The following MGMT variants were observed in gnomAD, a reference collection of about 807,000 sequenced individuals.
MGMT encodes methylated-DNA--protein-cysteine methyltransferase.
MGMT carries 14 observed loss-of-function variants against 15.9 expected under a neutral mutation model. The ratio of observed to expected loss-of-function variants is 0.88; its 90% CI spans 0.58 to 1.37. The LOEUF is 1.37. Ranked by LOEUF, MGMT falls within the 40% of genes most tolerant of loss-of-function variation. The pLI, the probability that MGMT is intolerant of heterozygous loss-of-function variation, is 0.00. For missense variants in MGMT, 282 were observed against 268.1 expected (o/e 1.05, Z -0.36); for synonymous variants, 130 against 118.2 (o/e 1.10, Z -0.65).
chr10:129,598,206 A>G (rs965069258), intron 2 of MGMT, among the ~76,000 whole-genome samples: 1 of 152,212 alleles, frequency 6.6e-6, no homozygotes, highest in Non-Finnish European at 1.5e-5. Context: ...GTGTGTGCTC[A>G]GGATTCCTTT....
chr10:129,611,859 G>A (rs555847165), intron 2 of MGMT, among the ~76,000 whole-genome samples: 1 of 152,298 alleles, frequency 6.6e-6, no homozygotes, highest in African/African-American at 2.4e-5. Context: ...CAAGGCCTGG[G>A]CAAGTACCCA....
chr10:129,469,698 C>T (rs1161001874), intron 1 of MGMT, among the ~76,000 whole-genome samples: 5 of 152,158 alleles, frequency 3.3e-5, no homozygotes, highest in Non-Finnish European at 5.9e-5. Flanking sequence ...TGGGGTCTTA[C>T]CGCAGAATAT....
At chr10:129,631,491 AAG>A (rs1292924441) in intron 2 of MGMT, among the ~76,000 whole-genome samples, 1 of 152,242 alleles carries the variant, frequency 6.6e-6, no homozygotes, top group African/African-American at 2.4e-5. Context: ...GAGATTATAA[AAG>A]GTATACATGG....
intron 2 of MGMT, among the ~76,000 whole-genome samples, chr10:129,631,132 G>A (rs1847205070): frequency 6.6e-6 from 1 of 151,604 alleles, no homozygotes; most frequent in African/African-American, 2.4e-5. Context: ...TTTTATTTAT[G>A]TTAATGAAAC....
intron 2 of MGMT, among the ~76,000 whole-genome samples, chr10:129,629,008 C>G (rs1302364363): frequency 1.3e-5 from 2 of 152,214 alleles, no homozygotes; most frequent in Admixed American, 6.5e-5. Context: ...GGGAAGGGCT[C>G]TTCCTGACAC....
chr10:129,704,087 C>G (rs189783831), intron 2 of MGMT, among the ~76,000 whole-genome samples: 1 of 152,246 alleles, frequency 6.6e-6, no homozygotes, highest in East Asian at 1.9e-4. Context: ...ATTTCTCCAT[C>G]GTTCTTCTTA....
chr10:129,596,986 G>A (rs1381018246), intron 2 of MGMT, among the ~76,000 whole-genome samples: 1 of 152,152 alleles, frequency 6.6e-6, no homozygotes, highest in Non-Finnish European at 1.5e-5. Context: ...GTGGGCTGGG[G>A]TGAAGGTCTC....
At chr10:129,520,909 A>ACAGAGCCCCTATGGTGTGCG (rs1845801002) in intron 1 of MGMT, among the ~76,000 whole-genome samples, 2 of 132,918 alleles carry the variant, frequency 1.5e-5, no homozygotes, top group East Asian at 4.7e-4. Context: ...TATGGTGTGC[A>ACAGAGCCCCTATGGTGTGCG]TACAGAACCC....
intron 2 of MGMT, among the ~76,000 whole-genome samples, chr10:129,638,446 G>GAAAAAAAAAAAAAAAA (rs1157292152): frequency 1.0e-5 from 1 of 96,318 alleles, no homozygotes; most frequent in Admixed American, 1.2e-4. Flanking sequence ...AAAAAAAAAA[G>GAAAAAAAAAAAAAAAA]AAAAAAAAAA....
chr10:129,529,412 A>G (rs1845905961), intron 1 of MGMT, among the ~76,000 whole-genome samples: 2 of 152,082 alleles, frequency 1.3e-5, no homozygotes, highest in East Asian at 3.9e-4. Context: ...CGTCCAGCCT[A>G]GATCCCTCCC....
At chr10:129,512,962 C>T (rs1355392741) in intron 1 of MGMT, among the ~76,000 whole-genome samples, 1 of 152,166 alleles carries the variant, frequency 6.6e-6, no homozygotes, top group Non-Finnish European at 1.5e-5. Flanking sequence ...GTGTTCATAG[C>T]AGCATCATTC....
intron 3 of MGMT, among the ~76,000 whole-genome samples, chr10:129,751,361 G>T (rs546865411): frequency 6.6e-6 from 1 of 152,036 alleles, no homozygotes; most frequent in South Asian, 2.1e-4. Context: ...TGTGGGATCT[G>T]TGGCAATATC....
intron 2 of MGMT, among the ~76,000 whole-genome samples, chr10:129,574,336 G>A (rs539809199): frequency 1.3e-5 from 2 of 152,280 alleles, no homozygotes; most frequent in South Asian, 2.1e-4. Context: ...CTTTCCACCC[G>A]TAGCAGGTTG....
chr10:129,726,060 C>G (rs962089788), intron 3 of MGMT, among the ~76,000 whole-genome samples: 1 of 152,088 alleles, frequency 6.6e-6, no homozygotes, highest in Non-Finnish European at 1.5e-5. Context: ...CTCAGGTCCA[C>G]AAGGTCAGCT....
chr10:129,737,968 A>C (rs531028202), intron 3 of MGMT, among the ~76,000 whole-genome samples: 2 of 152,244 alleles, frequency 1.3e-5, no homozygotes, highest in African/African-American at 2.4e-5. Flanking sequence ...GCTGTCAGAC[A>C]GGGACATTTA....
chr10:129,725,602 G>A (rs532196810), intron 3 of MGMT, among the ~76,000 whole-genome samples: 20 of 152,328 alleles, frequency 1.3e-4, no homozygotes, highest in Admixed American at 5.2e-4. Context: ...GCCCCAGCAC[G>A]GCCACAGCTT....
intron 2 of MGMT, among the ~76,000 whole-genome samples, chr10:129,635,700 GATC>G (rs775022708): frequency 1.3e-5 from 2 of 152,198 alleles, no homozygotes; most frequent in Non-Finnish European, 1.5e-5. Flanking sequence ...TAAACTTTCT[GATC>G]ATCGATAGCA....
chr10:129,698,862 A>G (rs1431404027), intron 2 of MGMT, among the ~76,000 whole-genome samples: 3 of 152,240 alleles, frequency 2.0e-5, no homozygotes, highest in Non-Finnish European at 4.4e-5. Context: ...GCAAATGTAC[A>G]TACAGCAAAC....
At chr10:129,664,344 A>G (rs935163706) in intron 2 of MGMT, among the ~76,000 whole-genome samples, 5 of 152,224 alleles carry the variant, frequency 3.3e-5, no homozygotes, top group Admixed American at 6.5e-5. Flanking sequence ...TTTCATGTGT[A>G]TGTGGATTGA....
Sources: allele counts gnomAD v4.1 joint callset (sites outside exome capture counted in the v4.1 genomes callset), GRCh38; gene constraint gnomAD v4.1.1; transcripts MANE v1.5; gene names NCBI Gene and HGNC (gene_info 2026-07-23, HGNC 2026-07-21).